The following CDKAL1 variants were observed in gnomAD, a reference collection of about 807,000 sequenced individuals.
CDKAL1 encodes CDKAL1 threonylcarbamoyladenosine tRNA methylthiotransferase.
A neutral mutation model predicts 68.2 loss-of-function variants in CDKAL1; 32 were observed. The observed-to-expected ratio is 0.47, with a 90% CI of 0.35 to 0.63. The LOEUF (loss-of-function observed/expected upper bound fraction) is 0.63. Among genes scored for constraint, CDKAL1 ranks in the 30% least tolerant of loss-of-function variants. The pLI is 0.00. For synonymous variants in CDKAL1, 234 were observed against 244.3 expected, an observed-to-expected ratio of 0.96 and a Z score of 0.39; for missense variants, 606 against 696.7, an observed-to-expected ratio of 0.87 and a Z score of 1.47.
rs1379583424 is a variant in CDKAL1, at chr6:20,964,623, A to G, written c.909+9038A>G. ...GAGAACACGTGGACACATGGCGGGG[A>G]ACAACACACACTGGGGCCTGTCACT... On this transcript the variant is annotated intron_variant, in intron 10 of 15. Transcript: ENST00000274695. Among the ~76,000 whole-genome samples the G allele has an allele frequency of 5.3e-5, 8 of 152,134 alleles. No individual in the cohort carries two copies. In the East Asian group the frequency reaches 1.5e-3, roughly 29 times the overall value.
At chr6:21,196,364 T>C (rs1268223989) in intron 13 of CDKAL1, among the ~76,000 whole-genome samples, 1 of 152,244 alleles carries the variant, frequency 6.6e-6, no homozygotes, top group Admixed American at 6.5e-5. Flanking sequence ...CCAGCCCTTT[T>C]TGATAAACAG....
intron 9 of CDKAL1, among the ~76,000 whole-genome samples, chr6:20,854,507 C>T (rs1009138471): frequency 6.6e-6 from 1 of 152,194 alleles, no homozygotes; most frequent in African/African-American, 2.4e-5. Flanking sequence ...GATAACAGTA[C>T]ATTATCACAA....
chr6:20,583,399 A>G (rs890240682), intron 4 of CDKAL1, among the ~76,000 whole-genome samples: 12 of 152,202 alleles, frequency 7.9e-5, no homozygotes, highest in African/African-American at 2.9e-4. Context: ...CTAAGATTCT[A>G]CCAAATTGAC....
intron 10 of CDKAL1, among the ~76,000 whole-genome samples, chr6:20,956,024 T>C (rs781194376): frequency 9.2e-5 from 14 of 152,232 alleles, no homozygotes; most frequent in Non-Finnish European, 1.9e-4. Flanking sequence ...AGGATGAATT[T>C]TCAATTTCAT....
intron 3 of CDKAL1, among the ~76,000 whole-genome samples, chr6:20,548,136 GT>G (rs1216185186): frequency 8.5e-5 from 13 of 152,176 alleles, no homozygotes; most frequent in Admixed American, 2.0e-4. Flanking sequence ...CAGATTTTGA[GT>G]TAAGTTGGTG....
intron 4 of CDKAL1, among the ~76,000 whole-genome samples, chr6:20,560,651 A>G (rs969303216): frequency 1.6e-4 from 25 of 152,250 alleles, no homozygotes; most frequent in Admixed American, 8.5e-4. Flanking sequence ...AGGCTTAATA[A>G]TAAAACAGAA....
intron 12 of CDKAL1, among the ~76,000 whole-genome samples, chr6:21,065,462 G>T (rs1479968515): frequency 6.6e-6 from 1 of 151,926 alleles, no homozygotes; most frequent in African/African-American, 2.4e-5. Context: ...ATGACTTGGG[G>T]AAAAAAATTT....
chr6:20,538,271 T>G (rs1053237806), intron 2 of CDKAL1, among the ~76,000 whole-genome samples: 1 of 152,102 alleles, frequency 6.6e-6, no homozygotes, highest in Non-Finnish European at 1.5e-5. Context: ...ATTTCTTAAG[T>G]GAACTGCCTG....
chr6:20,745,912 A>G (rs945618174), intron 6 of CDKAL1, among the ~76,000 whole-genome samples: 9 of 152,086 alleles, frequency 5.9e-5, no homozygotes, highest in African/African-American at 2.2e-4. Context: ...TTATAATATT[A>G]CTCTGTGTTT....
intron 9 of CDKAL1, among the ~76,000 whole-genome samples, chr6:20,908,745 A>T (rs1253334974): frequency 1.3e-5 from 2 of 152,238 alleles, no homozygotes. Flanking sequence ...AATAGACTGC[A>T]TTACATATTA....
At chr6:20,576,379 A>G (rs919764087) in intron 4 of CDKAL1, among the ~76,000 whole-genome samples, 4 of 152,172 alleles carry the variant, frequency 2.6e-5, no homozygotes, top group Non-Finnish European at 1.5e-5. Flanking sequence ...AACCATTAAG[A>G]GGAGGTGTTA....
intron 5 of CDKAL1, among the ~76,000 whole-genome samples, chr6:20,729,802 C>G (rs893406472): frequency 6.6e-6 from 1 of 152,138 alleles, no homozygotes; most frequent in Non-Finnish European, 1.5e-5. Context: ...CTCAAATGAC[C>G]GTAAGGTTCC....
At chr6:21,062,438 A>C (rs1289190223) in intron 11 of CDKAL1, among the ~76,000 whole-genome samples, 3 of 152,224 alleles carry the variant, frequency 2.0e-5, no homozygotes, top group Non-Finnish European at 4.4e-5. Flanking sequence ...TATAGCTTAC[A>C]TGTAAAATCA....
chr6:21,003,704 A>G (rs769618847), intron 11 of CDKAL1, among the ~76,000 whole-genome samples: 53 of 152,172 alleles, frequency 3.5e-4, no homozygotes, highest in Non-Finnish European at 5.7e-4. Context: ...CCAAAGTTTC[A>G]GGGCTTTCTT....
At position 20,758,589 on chromosome 6, in the gene CDKAL1, T is replaced by C. The variant is rs1774334002; in HGVS notation, c.469-6T>C. Reference sequence around the variant, plus strand: ...TACTTGTGTAATCGTTTTTTTTTTTTTCCAGGTTCAGCAGATAGATCGTGT... The same window carrying C: ...TACTTGTGTAATCGTTTTTTTTTTTCTCCAGGTTCAGCAGATAGATCGTGT... On this transcript the variant is annotated splice_region_variant and splice_polypyrimidine_tract_variant and intron_variant, in intron 6 of 15. Transcript: ENST00000274695. 2 of 1,597,280 alleles carry C rather than the reference T, an allele frequency of 1.3e-6. No individual in the cohort carries two copies. The highest frequency in any genetic ancestry group is 1.4e-5 in the African/African-American group (1 of 73,560).
Position 21,038,497 on chromosome 6 carries a change from T to C in CDKAL1, c.1056-26551T>C, listed in dbSNP as rs1162267693. On this transcript the variant is annotated intron_variant, in intron 11 of 15. Coordinates refer to ENST00000274695, the MANE Select transcript of CDKAL1 (RefSeq NM_017774.3). ...ATTTTAACAGAAAGCAAAAATTTTT[T>C]ACAAAGGTATTCAGAGATCTCTTTT... Among the ~76,000 whole-genome samples, 4 of 152,216 alleles carry C rather than the reference T, an allele frequency of 2.6e-5. No homozygotes were observed. In the East Asian group the frequency reaches 7.7e-4, roughly 29 times the overall value.
At chr6:21,215,775 C>A (rs1223814671) in intron 15 of CDKAL1, among the ~76,000 whole-genome samples, 1 of 152,136 alleles carries the variant, frequency 6.6e-6, no homozygotes, top group African/African-American at 2.4e-5. Context: ...ACCCTGGGGA[C>A]CTGTGGTAGG....
intron 8 of CDKAL1, among the ~76,000 whole-genome samples, chr6:20,785,751 A>T (rs565727543): frequency 2.0e-5 from 3 of 152,010 alleles, no homozygotes; most frequent in Admixed American, 2.0e-4. Context: ...TCAAAATTTT[A>T]TTGCTTCCAC....
intron 13 of CDKAL1, among the ~76,000 whole-genome samples, chr6:21,123,400 A>C (rs941057575): frequency 6.6e-6 from 1 of 152,140 alleles, no homozygotes; most frequent in Non-Finnish European, 1.5e-5. Flanking sequence ...AGGTTACAGT[A>C]AGCCAAGAAC....
Sources: gnomAD v4.1 joint callset for allele counts (sites outside exome capture counted in the v4.1 genomes callset) on GRCh38, gnomAD v4.1.1 for gene constraint, MANE v1.5 for transcripts, NCBI Gene and HGNC (gene_info 2026-07-23, HGNC 2026-07-21) for gene names.